NXPH2: variants seen among roughly 807,000 people sequenced by gnomAD.
NXPH2 encodes neurexophilin 2, also known as neurexophilin-2.
NXPH2 carries 5 observed loss-of-function variants against 19.8 expected under a neutral mutation model. That is an observed-to-expected ratio of 0.25 (90% confidence interval 0.13 to 0.53). NXPH2 has a LOEUF of 0.53. Ranked by LOEUF, NXPH2 falls within the 20% of genes least tolerant of loss-of-function variation. The pLI is 0.96. For missense variants in NXPH2, 289 were observed against 322.8 expected, an observed-to-expected ratio of 0.90 and a Z score of 0.80; for synonymous variants, 154 against 127.4, an observed-to-expected ratio of 1.21 and a Z score of -1.41.
At chr2:138,719,245 A>C (rs1681240704) in intron 1 of NXPH2, among the ~76,000 whole-genome samples, 1 of 152,172 alleles carries the variant, frequency 6.6e-6, no homozygotes, top group South Asian at 2.1e-4. Flanking sequence ...TATATACTTA[A>C]GGTAAAAAAA....
intron 1 of NXPH2, among the ~76,000 whole-genome samples, chr2:138,767,636 C>T (rs1274277960): frequency 6.6e-6 from 1 of 152,124 alleles, no homozygotes; most frequent in Non-Finnish European, 1.5e-5. Flanking sequence ...ACCCTACAAA[C>T]TGTAAAGATA....
intron 1 of NXPH2, among the ~76,000 whole-genome samples, chr2:138,777,751 C>A (rs1043844845): frequency 7.0e-6 from 1 of 143,652 alleles, no homozygotes; most frequent in Non-Finnish European, 1.5e-5. Context: ...TAAGTATGTT[C>A]TTCAGGCTGG....
At chr2:138,699,636 G>A (rs2104981082) in intron 1 of NXPH2, among the ~76,000 whole-genome samples, 1 of 152,200 alleles carries the variant, frequency 6.6e-6, no homozygotes, top group East Asian at 1.9e-4. Context: ...GGACATGGGA[G>A]TGAGGGCAGG....
intron 1 of NXPH2, among the ~76,000 whole-genome samples, chr2:138,746,165 C>G (rs770674502): frequency 6.6e-6 from 1 of 152,218 alleles, no homozygotes; most frequent in Non-Finnish European, 1.5e-5. Flanking sequence ...CCTGCAATAG[C>G]AGCCAAGCAC....
rs1680412435 is a variant in NXPH2 at position 138,671,448 on chromosome 2, A to G, written c.269T>C (p.Ile90Thr). ...FWDWLANITE[I>T]QEPLARTKRR... is the part of the protein sequence containing the mutation. ...TTTAGTTCTTGCCAATGGCTCCTGA[A>G]TCTCCGTGATGTTGGCCAGCCAATC... is the stretch of plus-strand genomic sequence containing the variant. The change falls in exon 2 of 2, where the codon ATT becomes ACT. Residue 90 changes from isoleucine (I) to threonine (T), a missense_variant. Transcript: ENST00000272641. 6.2e-7 allele frequency: 1 copy of G among 1,613,732 alleles called. No individual in the cohort carries two copies. The highest frequency in any genetic ancestry group is 1.1e-5 in the South Asian group (1 of 91,076).
intron 1 of NXPH2, among the ~76,000 whole-genome samples, chr2:138,757,147 A>G (rs772902988): frequency 2.6e-5 from 4 of 152,246 alleles, no homozygotes; most frequent in Non-Finnish European, 4.4e-5. Flanking sequence ...TAAGCATACT[A>G]TAAAGTTCTT....
At chr2:138,719,761 T>C (rs1447355373) in intron 1 of NXPH2, among the ~76,000 whole-genome samples, 2 of 152,158 alleles carry the variant, frequency 1.3e-5, no homozygotes, top group Non-Finnish European at 2.9e-5. Context: ...AATTAGTCTT[T>C]ATTTTTTCAT....
intron 1 of NXPH2, among the ~76,000 whole-genome samples, chr2:138,762,624 G>A (rs1267670712): frequency 6.6e-6 from 1 of 152,170 alleles, no homozygotes; most frequent in Non-Finnish European, 1.5e-5. Flanking sequence ...TATTTTTCTT[G>A]TTCAAAACCC....
chr2:138,672,806 T>C (rs979282729), intron 1 of NXPH2, among the ~76,000 whole-genome samples: 2 of 152,232 alleles, frequency 1.3e-5, no homozygotes, highest in Non-Finnish European at 2.9e-5. Flanking sequence ...TTTCAGATTA[T>C]TCCCAAAATT....
In NXPH2 at chr2:138,671,641, C is replaced by A. The variant is rs761501616; in HGVS notation, c.76G>T (p.Val26Leu). 6.3e-7 allele frequency: 1 copy of A among 1,580,346 alleles called. No individual in the cohort carries two copies. The highest frequency in any genetic ancestry group is 8.6e-7 in the Non-Finnish European group (1 of 1,164,598). ...CAATCCAGCCCCTCCGTGGCATGCA[C>A]CACTTCCTTACTGTCACAAAATAGC... ...QLLFCDSKEVVHATEGLDWED... is the reference protein window; with the variant it reads ...QLLFCDSKEVLHATEGLDWED... Residue 26 changes from valine to leucine, a missense_variant, in exon 2 of 2, where the codon GTG becomes TTG. Physicochemically the swap from Val to Leu is conservative, Grantham distance 32. Transcript: ENST00000272641.
chr2:138,734,326 A>T (rs1288683583), intron 1 of NXPH2, among the ~76,000 whole-genome samples: 2 of 152,214 alleles, frequency 1.3e-5, no homozygotes, highest in Non-Finnish European at 2.9e-5. Flanking sequence ...CAGGATTTAC[A>T]TTGGAGATAT....
intron 1 of NXPH2, among the ~76,000 whole-genome samples, chr2:138,694,116 A>T (rs1680791052): frequency 6.6e-6 from 1 of 152,198 alleles, no homozygotes; most frequent in Admixed American, 6.5e-5. Flanking sequence ...CGATTTTAAA[A>T]AACTGTAACC....
chr2:138,720,702 G>A (rs1016209392), intron 1 of NXPH2, among the ~76,000 whole-genome samples: 27 of 152,160 alleles, frequency 1.8e-4, no homozygotes, highest in African/African-American at 5.3e-4. Context: ...ACGCACTGGC[G>A]CTGTGGCAAG....
At chr2:138,762,836 G>C (rs1253208497) in intron 1 of NXPH2, among the ~76,000 whole-genome samples, 1 of 152,162 alleles carries the variant, frequency 6.6e-6, no homozygotes, top group Non-Finnish European at 1.5e-5. Context: ...AAACAAGCTT[G>C]CTTAGTATAA....
At chr2:138,694,027 C>A (rs2104977729) in intron 1 of NXPH2, among the ~76,000 whole-genome samples, 1 of 152,192 alleles carries the variant, frequency 6.6e-6, no homozygotes, top group Middle Eastern at 3.4e-3. Flanking sequence ...TGAAACTTAA[C>A]CTCAGCCAAT....
intron 1 of NXPH2, among the ~76,000 whole-genome samples, chr2:138,726,445 GAAATTA>G: frequency 6.6e-6 from 1 of 151,628 alleles, no homozygotes; most frequent in Non-Finnish European, 1.5e-5. Flanking sequence ...AGGATTTCTA[GAAATTA>G]AAAATATTCA....
chr2:138,733,403 A>G (rs1005830054), intron 1 of NXPH2, among the ~76,000 whole-genome samples: 3 of 152,228 alleles, frequency 2.0e-5, no homozygotes, highest in African/African-American at 7.2e-5. Context: ...ATTTCTGTGT[A>G]AACCTAGAGG....
intron 1 of NXPH2, among the ~76,000 whole-genome samples, chr2:138,735,898 C>A (rs1013268075): frequency 2.0e-5 from 3 of 152,234 alleles, no homozygotes; most frequent in Non-Finnish European, 4.4e-5. Context: ...CAGCCCCATG[C>A]AAGTCCAAAA....
chr2:138,670,896 C>A lies in NXPH2; in HGVS notation c.*26G>T, dbSNP rs1491003959. The A allele has an allele frequency of 6.3e-7, 1 of 1,594,804 alleles. No individual in the cohort carries two copies. Among genetic ancestry groups the A allele is most frequent in the South Asian group, 1.1e-5 (1 of 87,664 alleles). On this transcript the variant is annotated 3_prime_UTR_variant, in exon 2 of 2. Coordinates refer to ENST00000272641, the MANE Select transcript of NXPH2 (RefSeq NM_007226.3). ...TCATTCTAATCAAATACATATGTAT[C>A]CCTCATTTCCACCACAGCAGGAAGA...
Sources: allele counts gnomAD v4.1 joint callset (sites outside exome capture counted in the v4.1 genomes callset), GRCh38; gene constraint gnomAD v4.1.1; transcripts MANE v1.5; gene names NCBI Gene and HGNC (gene_info 2026-07-23, HGNC 2026-07-21).